The following POLR1B variants were observed in gnomAD, a reference collection of about 807,000 sequenced individuals.
The protein encoded by POLR1B is RNA polymerase I subunit B.
A neutral mutation model predicts 105.8 loss-of-function variants in POLR1B; 30 were observed. That is an observed-to-expected ratio of 0.28 (90% CI 0.21 to 0.38). The LOEUF is 0.38. Among genes scored for constraint, POLR1B ranks in the 10% least tolerant of loss-of-function variants. The pLI is 1.00. For synonymous variants in POLR1B, 485 were observed against 505.1 expected, an observed-to-expected ratio of 0.96 and a Z score of 0.53; for missense variants, 976 against 1,435.8, an observed-to-expected ratio of 0.68 and a Z score of 5.17.
chr2:112,547,208 C>T (rs1418930792), intron 2 of POLR1B, 29 bp downstream of exon 2: 2 of 1,610,004 alleles, frequency 1.2e-6, no homozygotes, highest in Non-Finnish European at 1.7e-6. Flanking sequence ...GTGTGACTCT[C>T]AACACTGCAC....
At chr2:112,572,007 A>T (rs1043855341) in intron 12 of POLR1B, among the ~76,000 whole-genome samples, 12 of 152,130 alleles carry the variant, frequency 7.9e-5, no homozygotes, top group African/African-American at 2.2e-4. Context: ...TAATTTTTTT[A>T]AAAATTTCAC....
intron 6 of POLR1B, 132 bp from the exon 7 acceptor site, chr2:112,552,513 C>A: frequency 2.0e-6 from 2 of 990,300 alleles, no homozygotes; most frequent in Non-Finnish European, 2.8e-6. Context: ...GCCAGTGTAG[C>A]TCAAAAACTG....
intron 10 of POLR1B, 32 bp downstream of exon 10, chr2:112,564,531 C>A (rs1260586928): frequency 6.2e-7 from 1 of 1,613,614 alleles, no homozygotes; most frequent in Non-Finnish European, 8.5e-7. Context: ...TTGTCCTATC[C>A]CTTGACCTTA....
At chr2:112,552,538 TTTAA>T in intron 6 of POLR1B, 103 bp from the exon 7 acceptor site, 1 of 1,196,460 alleles carries the variant, frequency 8.4e-7, no homozygotes, top group Non-Finnish European at 1.1e-6. Flanking sequence ...CTTAATTTTA[TTTAA>T]TTAAAGTTAA....
chr2:112,558,815 C>T (rs553963407), intron 8 of POLR1B, among the ~76,000 whole-genome samples: 38 of 151,748 alleles, frequency 2.5e-4, no homozygotes, highest in Admixed American at 1.3e-3. Flanking sequence ...GATGGGGTTT[C>T]GCTATGCTGC....
rs765938215 is a variant in POLR1B at position 112,559,557 on chromosome 2, C to A, written c.1595C>A (p.Ala532Asp). 2 of 1,614,120 alleles carry A rather than the reference C, an allele frequency of 1.2e-6. No individual in the cohort carries two copies. Among genetic ancestry groups the A allele is most frequent in the South Asian group, 2.2e-5 (2 of 91,090 alleles). Residue 532 changes from alanine (A) to aspartate (D), a missense_variant, in exon 9 of 15, where the codon GCT becomes GAT. Physicochemically the swap from Ala to Asp is moderately radical, Grantham distance 126. Coordinates refer to ENST00000263331, the MANE Select transcript of POLR1B (RefSeq NM_019014.6). The stretch of plus-strand genomic sequence containing the variant: ...TTTGTGTATACGGCATCTATTCCAG[C>A]TTTACTGTGCAACTTGGGTATGTAG... ...TQFVYTASIP[A>D]LLCNLGVTPI...
chr2:112,564,019 G>A (rs1238660687), intron 9 of POLR1B, among the ~76,000 whole-genome samples: 1 of 152,118 alleles, frequency 6.6e-6, no homozygotes, highest in East Asian at 1.9e-4. Context: ...AATTCTAGTG[G>A]TCTTGCTATT....
At chr2:112,574,787 A>G in intron 14 of POLR1B, 60 bp from the exon 15 acceptor site, 1 of 1,412,898 alleles carries the variant, frequency 7.1e-7, no homozygotes, top group South Asian at 1.4e-5. Flanking sequence ...TATATCAATG[A>G]AACTTATCTC....
At position 112,547,055 on chromosome 2, in the gene POLR1B, C is replaced by T; in HGVS notation, c.221C>T (p.Ser74Phe). 2 of 1,614,180 alleles carry T rather than the reference C, an allele frequency of 1.2e-6. No individual in the cohort carries two copies. Among genetic ancestry groups the T allele is most frequent in the Non-Finnish European group, 1.7e-6 (2 of 1,180,020 alleles). ...TTTGCTTTCAAAGATGAGCGTATCTCTTTTACTATTCTGGATGCTGTTATC... is the reference window on the plus strand; with the variant it reads ...TTTGCTTTCAAAGATGAGCGTATCTTTTTTACTATTCTGGATGCTGTTATC... Reference protein sequence around the residue: ...FEFAFKDERISFTILDAVISP... With the variant: ...FEFAFKDERIFFTILDAVISP... Residue 74 changes from serine (S) to phenylalanine (F), a missense_variant, in exon 2 of 15, where the codon TCT (serine) becomes TTT (phenylalanine). By Grantham distance (155) the Ser-to-Phe change is radical. Around this residue, in one of 12 missense-constraint regions of POLR1B, gnomAD observed 452 missense variants for 616.5 expected, o/e 0.73. Transcript: ENST00000263331.
intron 10 of POLR1B, among the ~76,000 whole-genome samples, chr2:112,566,889 T>C (rs756523603): frequency 1.1e-4 from 17 of 152,126 alleles, no homozygotes; most frequent in Admixed American, 9.8e-4. Flanking sequence ...CACACCACCA[T>C]GCCTGGGTAA....
At chr2:112,553,664 A>G (rs778359500) in intron 7 of POLR1B, 8 of 152,016 alleles carry the variant, frequency 5.3e-5, no homozygotes, top group Non-Finnish European at 7.4e-5. Context: ...AGCGCTGTCT[A>G]GTGTTCAGTG....
chr2:112,564,204 T>G, intron 9 of POLR1B, 162 bp from the exon 10 acceptor site: 1 of 772,192 alleles, frequency 1.3e-6, no homozygotes, highest in Non-Finnish European at 2.0e-6. Flanking sequence ...CTGCTTGAAA[T>G]ATCTGAAGTG....
chr2:112,551,993 G>GT lies in POLR1B; in HGVS notation c.984dup (p.Asn329Ter). 6.2e-7 allele frequency: 1 copy of GT among 1,613,218 alleles called. No individual in the cohort carries two copies. Among genetic ancestry groups the GT allele is most frequent in the Non-Finnish European group, 8.5e-7 (1 of 1,179,178 alleles). ...CAAATGAGCAAGCTGCGGAGTTCCT[G>GT]TTTAAGTATGTGTGCTTTGTCTAAA... On this transcript the variant is annotated frameshift_variant, in exon 6 of 15. Coordinates refer to ENST00000263331, the MANE Select transcript of POLR1B (RefSeq NM_019014.6). LOFTEE classifies it high-confidence loss of function.
At chr2:112,561,629 T>A (rs566745676) in intron 9 of POLR1B, among the ~76,000 whole-genome samples, 133 of 152,304 alleles carry the variant, frequency 8.7e-4, no homozygotes, top group African/African-American at 2.9e-3. Flanking sequence ...GTAGCCTTGT[T>A]TTTTGTGTGT....
intron 2 of POLR1B, 89 bp from the exon 3 acceptor site, chr2:112,547,332 A>G (rs1377505353): frequency 6.7e-7 from 1 of 1,499,284 alleles, no homozygotes; most frequent in African/African-American, 1.4e-5. Flanking sequence ...AATTTAATTG[A>G]TCTTCTTCCT....
chr2:112,547,648 C>T, intron 3 of POLR1B, 81 bp downstream of exon 3: 1 of 1,468,184 alleles, frequency 6.8e-7, no homozygotes, highest in Non-Finnish European at 9.3e-7. Context: ...TCAGTGTTTT[C>T]TTTCTGTGCT....
At chr2:112,562,967 G>A (rs551860846) in intron 9 of POLR1B, among the ~76,000 whole-genome samples, 1 of 151,722 alleles carries the variant, frequency 6.6e-6, no homozygotes, top group Admixed American at 6.6e-5. Flanking sequence ...GACCTCAGGT[G>A]ATCTGCCTGC....
In POLR1B at chr2:112,565,553, T is replaced by C. The variant is rs978858801; in HGVS notation, c.1746+1054T>C. Among the ~76,000 whole-genome samples, 3 of 152,130 alleles carry C rather than the reference T, an allele frequency of 2.0e-5. No homozygotes were observed. The East Asian group carries it at 5.8e-4, about 29-fold the overall frequency. On this transcript the variant is annotated intron_variant, in intron 10 of 14. Coordinates refer to ENST00000263331, the MANE Select transcript of POLR1B (RefSeq NM_019014.6). ...TGTCTCAGTAATGCTCTCTTTTTTT[T>C]CTTTTCTTTTCTTTTTTTTTTTAGA... is the stretch of plus-strand genomic sequence containing the variant.
At chr2:112,561,179 C>T (rs539694602) in intron 9 of POLR1B, among the ~76,000 whole-genome samples, 2 of 152,030 alleles carry the variant, frequency 1.3e-5, no homozygotes, top group South Asian at 2.1e-4. Context: ...TTATCCTCTA[C>T]GAGGAAAAGA....
Sources: gnomAD v4.1 joint callset for allele counts (sites outside exome capture counted in the v4.1 genomes callset) on GRCh38, gnomAD v4.1.1 for gene constraint, gnomAD v4.1.1 regional missense constraint, MANE v1.5 for transcripts, NCBI Gene and HGNC (gene_info 2026-07-23, HGNC 2026-07-21) for gene names.